GHR: variants seen among roughly 807,000 people sequenced by gnomAD.
The protein encoded by GHR is growth hormone receptor, also known as GH receptor.
Under a neutral mutation model 67.1 loss-of-function variants are expected in GHR, and 35 were observed. The observed-to-expected ratio is 0.52, with a 90% CI of 0.40 to 0.69. The LOEUF is 0.69. Ranked by LOEUF, GHR falls within the 30% of genes least tolerant of loss-of-function variation. GHR has a pLI of 0.00. For synonymous variants in GHR, 272 were observed against 269.1 expected (o/e 1.01, Z -0.10); for missense variants, 792 against 764.6 (o/e 1.04, Z -0.42).
intron 2 of GHR, among the ~76,000 whole-genome samples, chr5:42,578,877 G>C (rs1579981603): frequency 1.3e-5 from 2 of 151,894 alleles, no homozygotes; most frequent in Admixed American, 6.6e-5. Context: ...AAAAACGAAA[G>C]CAAAAAATAC....
At chr5:42,711,139 C>A in intron 6 of GHR, 68 bp from the exon 7 acceptor site, 1 of 1,096,818 alleles carries the variant, frequency 9.1e-7, no homozygotes. Flanking sequence ...TGGGAGAATA[C>A]CTGTAGTGTT....
intron 4 of GHR, among the ~76,000 whole-genome samples, chr5:42,691,901 A>C (rs996717183): frequency 6.6e-6 from 1 of 152,246 alleles, no homozygotes; most frequent in Non-Finnish European, 1.5e-5. Context: ...CATTACAGGC[A>C]TGGTAAAAAG....
rs190668982 is a variant in GHR, at chr5:42,628,216, G to A, written c.71-822G>A. Among the ~76,000 whole-genome samples the A allele has an allele frequency of 1.0e-3, 155 of 152,242 alleles. 1 individual carries two copies. Among genetic ancestry groups the A allele is most frequent in the African/African-American group, 3.7e-3 (153 of 41,538 alleles). ...GGAACCTCAGGTTCAGAGTTTATAT[G>A]AGTGCACGATAGGGGGTGTTTTGGG... On this transcript the variant is annotated intron_variant, in intron 2 of 9. Transcript: ENST00000230882.
intron 2 of GHR, among the ~76,000 whole-genome samples, chr5:42,579,054 T>G (rs1293681481): frequency 2.6e-5 from 4 of 151,054 alleles, no homozygotes; most frequent in African/African-American, 7.3e-5. Context: ...AAAACCTGTT[T>G]TAAACTCTAA....
At chr5:42,528,075 A>G (rs1747788248) in intron 1 of GHR, among the ~76,000 whole-genome samples, 1 of 152,210 alleles carries the variant, frequency 6.6e-6, no homozygotes, top group South Asian at 2.1e-4. Flanking sequence ...ATGGAGATGT[A>G]CAAGGAGGTT....
At chr5:42,697,229 C>A (rs948007714) in intron 5 of GHR, among the ~76,000 whole-genome samples, 4 of 152,168 alleles carry the variant, frequency 2.6e-5, no homozygotes, top group African/African-American at 9.7e-5. Flanking sequence ...CAGGGCTATT[C>A]TTTGGATTTG....
intron 1 of GHR, among the ~76,000 whole-genome samples, chr5:42,460,649 T>G (rs989563488): frequency 3.9e-5 from 6 of 152,216 alleles, no homozygotes; most frequent in Non-Finnish European, 8.8e-5. Context: ...TAAACTTACA[T>G]GTATATCTGC....
intron 1 of GHR, among the ~76,000 whole-genome samples, chr5:42,427,594 T>C (rs1335470731): frequency 6.6e-6 from 1 of 152,156 alleles, no homozygotes; most frequent in African/African-American, 2.4e-5. Flanking sequence ...TCTCATGTTC[T>C]CACATTTCAA....
At chr5:42,631,682 T>C (rs1246978826) in intron 3 of GHR, among the ~76,000 whole-genome samples, 1 of 152,194 alleles carries the variant, frequency 6.6e-6, no homozygotes, top group Non-Finnish European at 1.5e-5. Context: ...TATGAAAAGT[T>C]AGTGTTTAAC....
At chr5:42,603,142 GT>G (rs59073571) in intron 2 of GHR, among the ~76,000 whole-genome samples, 148,168 of 150,306 alleles carry the variant, frequency 0.99, 73,104 homozygotes, top group Non-Finnish European at 1. Flanking sequence ...TAGGTTTTGT[GT>G]TTTTTTTTTC....
At chr5:42,444,263 T>C (rs1424525524) in intron 1 of GHR, among the ~76,000 whole-genome samples, 4 of 152,190 alleles carry the variant, frequency 2.6e-5, no homozygotes, top group African/African-American at 9.7e-5. Flanking sequence ...TTGTAACACT[T>C]AGAATAGTCC....
At chr5:42,638,568 C>G (rs979338475) in intron 3 of GHR, among the ~76,000 whole-genome samples, 1 of 152,070 alleles carries the variant, frequency 6.6e-6, no homozygotes, top group Non-Finnish European at 1.5e-5. Context: ...ATATTCTCAG[C>G]AATTGTAACA....
At chr5:42,477,576 C>A (rs1224381639) in intron 1 of GHR, among the ~76,000 whole-genome samples, 1 of 152,116 alleles carries the variant, frequency 6.6e-6, no homozygotes, top group Non-Finnish European at 1.5e-5. Flanking sequence ...ATCGCCATTC[C>A]AACTGGTGTG....
At chr5:42,464,252 C>T (rs546719994) in intron 1 of GHR, among the ~76,000 whole-genome samples, 3 of 152,044 alleles carry the variant, frequency 2.0e-5, no homozygotes, top group African/African-American at 4.8e-5. Flanking sequence ...GCTCTCAATG[C>T]GAAGCTCCCA....
chr5:42,532,270 A>G (rs1169795801), intron 1 of GHR, among the ~76,000 whole-genome samples: 2 of 152,170 alleles, frequency 1.3e-5, no homozygotes, highest in Non-Finnish European at 1.5e-5. Context: ...ACTTCTGTTT[A>G]TTTTTCTGTG....
At chr5:42,511,017 C>T (rs1023696066) in intron 1 of GHR, among the ~76,000 whole-genome samples, 3 of 152,208 alleles carry the variant, frequency 2.0e-5, no homozygotes, top group African/African-American at 7.2e-5. Context: ...CCATGTAATA[C>T]CAATATTATC....
chr5:42,517,914 T>A (rs771048466), intron 1 of GHR, among the ~76,000 whole-genome samples: 1 of 151,966 alleles, frequency 6.6e-6, no homozygotes, highest in Non-Finnish European at 1.5e-5. Context: ...CCAAATGAGG[T>A]CTTGTTTCCT....
intron 1 of GHR, among the ~76,000 whole-genome samples, chr5:42,430,597 A>G (rs1457514287): frequency 5.2e-5 from 7 of 134,820 alleles, no homozygotes; most frequent in Non-Finnish European, 1.1e-4. Context: ...AAAATTGTCC[A>G]TGCTAGTCCC....
At chr5:42,607,111 C>T (rs909270016) in intron 2 of GHR, among the ~76,000 whole-genome samples, 3 of 152,102 alleles carry the variant, frequency 2.0e-5, no homozygotes, top group Admixed American at 6.6e-5. Context: ...TTCCCTCTCT[C>T]CTGCCACCAT....
Sources: gnomAD v4.1 joint callset for allele counts (sites outside exome capture counted in the v4.1 genomes callset) on GRCh38, gnomAD v4.1.1 for gene constraint, MANE v1.5 for transcripts, NCBI Gene and HGNC (gene_info 2026-07-23, HGNC 2026-07-21) for gene names.